Variants in SLC3A1 observed in about 807,000 individuals in gnomAD.
SLC3A1 encodes solute carrier family 3 member 1, also known as amino acid transporter heavy chain SLC3A1.
SLC3A1 carries 78 observed loss-of-function variants against 60.3 expected under a neutral mutation model. The observed-to-expected ratio is 1.29, with a 90% CI of 1.08 to 1.56. The LOEUF (loss-of-function observed/expected upper bound fraction) is 1.56. SLC3A1 is among the 40% of genes most tolerant of loss of function. The pLI is 0.00. For synonymous variants in SLC3A1, 392 were observed against 307.9 expected, an observed-to-expected ratio of 1.27 and a Z score of -2.86; for missense variants, 1,172 against 858.9, an observed-to-expected ratio of 1.36 and a Z score of -4.56.
At chr2:44,320,040 A>G (rs1672791095) in intron 9 of SLC3A1, 159 bp from the exon 10 acceptor site, 1 of 629,392 alleles carries the variant, frequency 1.6e-6, no homozygotes, top group Non-Finnish European at 2.7e-6. Context: ...TTTTATATAA[A>G]TTGTTCTTAC....
intron 4 of SLC3A1, among the ~76,000 whole-genome samples, chr2:44,289,027 G>T (rs1572795954): frequency 6.6e-6 from 1 of 151,778 alleles, no homozygotes; most frequent in Non-Finnish European, 1.5e-5. Flanking sequence ...TAGAGATGGG[G>T]TTTCTCCATG....
intron 4 of SLC3A1, among the ~76,000 whole-genome samples, chr2:44,298,630 G>C (rs1269909087): frequency 1.3e-5 from 2 of 152,130 alleles, no homozygotes; most frequent in Non-Finnish European, 2.9e-5. Flanking sequence ...CACTTGCCTC[G>C]GCCTCCCAAA....
At chr2:44,283,501 A>G (rs1237686326) in intron 3 of SLC3A1, among the ~76,000 whole-genome samples, 2 of 152,224 alleles carry the variant, frequency 1.3e-5, no homozygotes, top group African/African-American at 4.8e-5. Context: ...TTTTGCAGAT[A>G]GGCAGACTGA....
At chr2:44,321,860 T>C, downstream of SLC3A1, 2 of 1,613,756 alleles carry the variant, frequency 1.2e-6, no homozygotes, top group Non-Finnish European at 1.7e-6. Flanking sequence ...CATGATTGCC[T>C]CCAGGCTGAA....
chr2:44,321,873 T>A (rs1672992919), downstream of SLC3A1: 2 of 1,613,638 alleles, frequency 1.2e-6, no homozygotes, highest in Non-Finnish European at 1.7e-6. Flanking sequence ...AGGCTGAATA[T>A]CTAGAATAAT....
At chr2:44,297,907 T>C (rs1671895125) in intron 4 of SLC3A1, among the ~76,000 whole-genome samples, 1 of 152,176 alleles carries the variant, frequency 6.6e-6, no homozygotes, top group Admixed American at 6.5e-5. Context: ...TAGAAAAATC[T>C]TTTCAAGGTT....
intron 6 of SLC3A1, chr2:44,303,709 T>G (rs1672076900): frequency 3.3e-6 from 1 of 301,228 alleles, no homozygotes; most frequent in Non-Finnish European, 6.5e-6. Context: ...TAGGTATTTC[T>G]CCTAATGCTA....
intron 3 of SLC3A1, among the ~76,000 whole-genome samples, chr2:44,283,797 C>T (rs60436711): frequency 0.036 from 5,403 of 151,226 alleles, 326 homozygotes; most frequent in African/African-American, 0.13. Context: ...TGCAAGACTT[C>T]GACTCTAAAA....
chr2:44,304,052 A>T lies in SLC3A1; in HGVS notation c.1137-91A>T. 1.0e-5 allele frequency: 10 copies of T among 955,506 alleles called. No homozygotes were observed. In the South Asian group the frequency reaches 1.3e-4, roughly 12 times the overall value. The allele number at this position is 955,506 out of a possible 1,614,324, so 59.2% of individuals were successfully genotyped here. ...GGTTAATAGTGTGCATTCAGCCCCTACATCTTGTACATGCAAGATAAGCAG... is the reference window on the plus strand; with the variant it reads ...GGTTAATAGTGTGCATTCAGCCCCTTCATCTTGTACATGCAAGATAAGCAG... On this transcript the variant is annotated intron_variant, in intron 6 of 9. Coordinates refer to ENST00000260649, the MANE Select transcript of SLC3A1 (RefSeq NM_000341.4).
At chr2:44,306,564 T>A (rs1200990066) in intron 7 of SLC3A1, among the ~76,000 whole-genome samples, 1 of 149,282 alleles carries the variant, frequency 6.7e-6, no homozygotes, top group Admixed American at 6.7e-5. Context: ...TTTTTTTTTT[T>A]TTTTTTTTGA....
At chr2:44,309,434 T>C (rs980883282) in intron 7 of SLC3A1, among the ~76,000 whole-genome samples, 2 of 152,244 alleles carry the variant, frequency 1.3e-5, no homozygotes, top group African/African-American at 4.8e-5. Flanking sequence ...ATGGTACCTA[T>C]GTAACACGTT....
intron 6 of SLC3A1, among the ~76,000 whole-genome samples, chr2:44,303,132 TGGA>T (rs1672059450): frequency 2.0e-5 from 3 of 150,580 alleles, no homozygotes; most frequent in Admixed American, 2.0e-4. Flanking sequence ...ACCTGGGAGG[TGGA>T]GGTTGCAGTA....
chr2:44,298,771 G>T (rs1258115076), intron 4 of SLC3A1, among the ~76,000 whole-genome samples: 2 of 152,188 alleles, frequency 1.3e-5, no homozygotes, highest in East Asian at 3.9e-4. Flanking sequence ...GATGCTCTCA[G>T]GAGCAGGTGA....
rs1672877404 is a variant in SLC3A1, at chr2:44,320,798, G to GA, written c.*166dup. The GA allele has an allele frequency of 1.5e-5, 10 of 672,942 alleles. No individual in the cohort carries two copies. Among genetic ancestry groups the GA allele is most frequent in the African/African-American group, 3.6e-5 (2 of 55,082 alleles). The allele number at this position is 672,942 out of a possible 1,614,324, so 41.7% of individuals were successfully genotyped here. ...TTTAAGAAAGGTTCTCAAATGTTTTGAAAAAAATAAAATGTTTAAAAGTAA... is the reference window on the plus strand; with the variant it reads ...TTTAAGAAAGGTTCTCAAATGTTTTGAAAAAAAATAAAATGTTTAAAAGTAA... On this transcript the variant is annotated 3_prime_UTR_variant, in exon 10 of 10. Coordinates refer to ENST00000260649, the MANE Select transcript of SLC3A1 (RefSeq NM_000341.4).
rs387907276 is a variant in SLC3A1, at chr2:44,313,931, T to G, written c.1597T>G (p.Tyr533Asp). 1.9e-6 allele frequency: 3 copies of G among 1,614,102 alleles called. No homozygotes were observed. Among genetic ancestry groups the G allele is most frequent in the Non-Finnish European group, 2.5e-6 (3 of 1,179,972 alleles). Residue 533 changes from tyrosine to aspartate, a missense_variant, in exon 9 of 10, where the codon TAC becomes GAC. Physicochemically the swap from Tyr to Asp is radical, Grantham distance 160. Coordinates refer to ENST00000260649, the MANE Select transcript of SLC3A1 (RefSeq NM_000341.4). ...SNTWLPTNSD[Y>D]HTVNVDVQKT... ...CACCTGGTTACCTACCAATTCAGAT[T>G]ACCACACTGTGAATGTTGATGTAAG... is the stretch of plus-strand genomic sequence containing the variant.
chr2:44,313,768 T>A (rs1672355385), intron 8 of SLC3A1, 67 bp from the exon 9 acceptor site: 23 of 1,193,256 alleles, frequency 1.9e-5, no homozygotes, highest in Non-Finnish European at 2.9e-5. Context: ...ATGAAGTAAA[T>A]CAGGACCAAA....
intron 4 of SLC3A1, among the ~76,000 whole-genome samples, chr2:44,288,533 G>A (rs1195096906): frequency 6.6e-6 from 1 of 152,112 alleles, no homozygotes; most frequent in Non-Finnish European, 1.5e-5. Flanking sequence ...TATATCCCTG[G>A]TAGGTGTCTG....
At chr2:44,302,150 T>C (rs1672027713) in intron 6 of SLC3A1, among the ~76,000 whole-genome samples, 1 of 152,224 alleles carries the variant, frequency 6.6e-6, no homozygotes, top group African/African-American at 2.4e-5. Context: ...TAAATCCATA[T>C]GTTTCAGCTA....
At chr2:44,280,181 AT>A (rs1258759232) in intron 1 of SLC3A1, among the ~76,000 whole-genome samples, 3 of 152,144 alleles carry the variant, frequency 2.0e-5, no homozygotes, top group Admixed American at 6.5e-5. Context: ...AGTCACAGAG[AT>A]TTTTTTTAAT....
Sources: allele counts gnomAD v4.1 joint callset (sites outside exome capture counted in the v4.1 genomes callset), GRCh38; gene constraint gnomAD v4.1.1; transcripts MANE v1.5; gene names NCBI Gene and HGNC (gene_info 2026-07-23, HGNC 2026-07-21).